Variants in GMDS observed in about 807,000 individuals in gnomAD.
GMDS encodes the protein GDP-mannose 4,6 dehydratase.
A neutral mutation model predicts 49.9 loss-of-function variants in GMDS; 20 were observed. The ratio of observed to expected loss-of-function variants is 0.40; its 90% CI spans 0.28 to 0.58. The LOEUF is 0.58. Ranked by LOEUF, GMDS falls within the 20% of genes least tolerant of loss-of-function variation. GMDS has a pLI of 0.42. For missense variants in GMDS, 362 were observed against 481.4 expected (o/e 0.75, Z 2.32); for synonymous variants, 177 against 178.6 (o/e 0.99, Z 0.07).
At chr6:2,072,543 G>C (rs1772079577) in intron 4 of GMDS, among the ~76,000 whole-genome samples, 1 of 152,176 alleles carries the variant, frequency 6.6e-6, no homozygotes, top group African/African-American at 2.4e-5. Flanking sequence ...GGGAGTTACA[G>C]TTTTGTTTTT....
Position 1,624,643 on chromosome 6 carries a change from A to C in GMDS, c.988-103T>G, listed in dbSNP as rs979336027. ...CCACCGTTCCGCTCCCTCTGGGCGC[A>C]CAAGGCTCCGGGTTTCCCTGCTTTC... On this transcript the variant is annotated intron_variant, in intron 9 of 10. Transcript: ENST00000380815. The C allele has an allele frequency of 3.8e-6, 3 of 779,416 alleles. No homozygotes were observed. The Admixed American group carries it at 7.2e-5, about 19-fold the overall frequency. 48.3% of individuals were successfully genotyped at this position (779,416 alleles called of 1,614,324 possible).
chr6:1,630,920 A>C (rs1762981379), intron 9 of GMDS, among the ~76,000 whole-genome samples: 1 of 152,086 alleles, frequency 6.6e-6, no homozygotes, highest in African/African-American at 2.4e-5. Flanking sequence ...GGGGCCATTT[A>C]ATGAAAAGGA....
intron 9 of GMDS, among the ~76,000 whole-genome samples, chr6:1,630,931 G>C (rs375864336): frequency 6.6e-6 from 1 of 152,296 alleles, no homozygotes; most frequent in South Asian, 2.1e-4. Context: ...ATGAAAAGGA[G>C]ATAAGGTTGT....
chr6:2,244,528 A>G (rs1427233566), intron 1 of GMDS, among the ~76,000 whole-genome samples: 2 of 152,180 alleles, frequency 1.3e-5, no homozygotes, highest in Non-Finnish European at 2.9e-5. Context: ...TTGGTAAGAC[A>G]CAGCGGTCGG....
At chr6:1,913,209 G>A (rs868467966) in intron 7 of GMDS, among the ~76,000 whole-genome samples, 3 of 151,374 alleles carry the variant, frequency 2.0e-5, no homozygotes, top group East Asian at 3.9e-4. Context: ...GTGAAACCCC[G>A]TCTCTACTAA....
At chr6:2,188,195 A>G (rs1053321015) in intron 1 of GMDS, among the ~76,000 whole-genome samples, 1 of 152,222 alleles carries the variant, frequency 6.6e-6, no homozygotes, top group Non-Finnish European at 1.5e-5. Context: ...AGACAGCTGG[A>G]GTACAAATCC....
Position 2,115,880 on chromosome 6 carries a change from T to G in GMDS, c.236A>C (p.Asn79Thr). The G allele has an allele frequency of 1.3e-6, 2 of 1,533,320 alleles. No individual in the cohort carries two copies. Among genetic ancestry groups the G allele is most frequent in the Non-Finnish European group, 9.0e-7 (1 of 1,106,982 alleles). 95.0% of individuals were successfully genotyped at this position (1,533,320 alleles called of 1,614,324 possible). A position where few individuals can be genotyped will look rare whatever the true frequency, so the allele number is the denominator to read the frequency against. The stretch of plus-strand genomic sequence containing the variant: ...GAGATCGCCATAGTGCAACTTCATG[T>G]CTTCAGGATACAAAAACATCCCATT... ...YKNPQAHIEG[N>T]MKLHYGDLTD... is the part of the protein sequence containing the mutation. Residue 79 changes from asparagine (N) to threonine (T), a missense_variant and splice_region_variant, in exon 4 of 11, where the codon AAC (asparagine) becomes ACC (threonine). By Grantham distance (65) the Asn-to-Thr change is moderately conservative. Transcript: ENST00000380815.
At chr6:2,243,843 C>CTTT (rs68171156) in intron 1 of GMDS, among the ~76,000 whole-genome samples, 1,697 of 58,350 alleles carry the variant, frequency 0.029, 76 homozygotes, top group Non-Finnish European at 0.037. Flanking sequence ...ACTTCTCCTT[C>CTTT]TTTTTTTTTT....
intron 7 of GMDS, among the ~76,000 whole-genome samples, chr6:1,902,279 A>G (rs1200958622): frequency 6.6e-6 from 1 of 152,246 alleles, no homozygotes; most frequent in Admixed American, 6.5e-5. Flanking sequence ...ACTAAAATAT[A>G]GAATAAAAGG....
intron 7 of GMDS, among the ~76,000 whole-genome samples, chr6:1,744,888 C>T (rs371373634): frequency 1.1e-4 from 17 of 152,376 alleles, no homozygotes; most frequent in East Asian, 7.7e-4. Flanking sequence ...TCACCGGGAT[C>T]GGGCCTGCCC....
chr6:1,930,753 A>T (rs1561900377), intron 6 of GMDS: 1 of 152,252 alleles, frequency 6.6e-6, no homozygotes, highest in Admixed American at 6.5e-5. Flanking sequence ...AAAGGAATTT[A>T]TTTAGGCTGC....
At chr6:2,070,120 G>A (rs1771894073) in intron 4 of GMDS, among the ~76,000 whole-genome samples, 1 of 151,522 alleles carries the variant, frequency 6.6e-6, no homozygotes, top group South Asian at 2.1e-4. Context: ...CCTTTGTAGG[G>A]ACATGGATGA....
At chr6:1,686,975 CA>C (rs1331248904) in intron 9 of GMDS, among the ~76,000 whole-genome samples, 3 of 152,076 alleles carry the variant, frequency 2.0e-5, no homozygotes, top group Non-Finnish European at 4.4e-5. Context: ...TGAAATATTC[CA>C]AAACTTCATT....
intron 5 of GMDS, 57 bp from the exon 6 acceptor site, chr6:1,960,028 A>G: frequency 1.1e-6 from 1 of 947,230 alleles, no homozygotes; most frequent in Non-Finnish European, 1.7e-6. Flanking sequence ...AGTGATTCTC[A>G]CCATCTTCAA....
At chr6:2,054,336 A>G (rs1230407275) in intron 4 of GMDS, among the ~76,000 whole-genome samples, 1 of 152,164 alleles carries the variant, frequency 6.6e-6, no homozygotes, top group Non-Finnish European at 1.5e-5. Context: ...CAACAATAAC[A>G]AAACTAGCTA....
chr6:1,983,167 G>A (rs553260917), intron 4 of GMDS, among the ~76,000 whole-genome samples: 91 of 152,302 alleles, frequency 6.0e-4, no homozygotes, highest in Admixed American at 1.0e-3. Flanking sequence ...GAGAGAACTT[G>A]CTAGCCGTAT....
intron 4 of GMDS, among the ~76,000 whole-genome samples, chr6:2,003,129 G>A (rs1766934357): frequency 6.6e-6 from 1 of 152,070 alleles, no homozygotes. Flanking sequence ...GTGTCAGAGT[G>A]AAAATCAGAT....
intron 8 of GMDS, among the ~76,000 whole-genome samples, chr6:1,734,898 G>GCTCTCCTCGGCTGTGAAAATGA (rs1278935258): frequency 1.6e-4 from 25 of 152,188 alleles, no homozygotes; most frequent in Non-Finnish European, 3.4e-4. Flanking sequence ...ACCAGAGATG[G>GCTCTCCTCGGCTGTGAAAATGA]CTCTCCTCGG....
intron 4 of GMDS, among the ~76,000 whole-genome samples, chr6:2,102,745 A>G (rs1482312509): frequency 6.6e-6 from 1 of 152,220 alleles, no homozygotes; most frequent in Non-Finnish European, 1.5e-5. Flanking sequence ...AATGACCTAT[A>G]AAGAAATGTT....
Sources: gnomAD v4.1 joint callset for allele counts (sites outside exome capture counted in the v4.1 genomes callset) on GRCh38, gnomAD v4.1.1 for gene constraint, MANE v1.5 for transcripts, NCBI Gene and HGNC (gene_info 2026-07-23, HGNC 2026-07-21) for gene names.